The following BCO1 variants were observed in gnomAD, a reference collection of about 807,000 sequenced individuals.
BCO1 encodes beta,beta-carotene 15,15'-dioxygenase.
Under a neutral mutation model 56.3 loss-of-function variants are expected in BCO1, and 54 were observed. The observed-to-expected ratio is 0.96, with a 90% CI of 0.77 to 1.20. The LOEUF is 1.20. Among genes scored for constraint, BCO1 ranks in the 50% most tolerant of loss-of-function variants. The pLI, the probability that BCO1 is intolerant of heterozygous loss-of-function variation, is 0.00. For missense variants in BCO1, 801 were observed against 690.9 expected (o/e 1.16, Z -1.79); for synonymous variants, 318 against 266.1 (o/e 1.20, Z -1.90).
intron 5 of BCO1, among the ~76,000 whole-genome samples, chr16:81,266,053 C>A (rs1414155361): frequency 6.6e-6 from 1 of 152,036 alleles, no homozygotes; most frequent in Non-Finnish European, 1.5e-5. Flanking sequence ...ATCCTTCCAT[C>A]CATTCAGTTT....
intron 4 of BCO1, chr16:81,263,272 C>T (rs976294038): frequency 6.6e-6 from 1 of 152,100 alleles, no homozygotes; most frequent in African/African-American, 2.4e-5. Flanking sequence ...CACCACACTT[C>T]ACTAATTTTT....
intron 7 of BCO1, among the ~76,000 whole-genome samples, chr16:81,277,145 C>T (rs1379132848): frequency 6.6e-6 from 1 of 150,712 alleles, no homozygotes; most frequent in African/African-American, 2.4e-5. Flanking sequence ...CCGTTTGGGA[C>T]AGCCTGTTCC....
At chr16:81,283,597 A>G (rs1198717455) in intron 8 of BCO1, among the ~76,000 whole-genome samples, 1 of 152,008 alleles carries the variant, frequency 6.6e-6, no homozygotes, top group African/African-American at 2.4e-5. Flanking sequence ...TTATCTAAGT[A>G]TGGGAGTGTT....
At chr16:81,245,343 C>T in intron 1 of BCO1, 132 bp from the exon 2 acceptor site, 2 of 1,355,614 alleles carry the variant, frequency 1.5e-6, no homozygotes, top group Non-Finnish European at 2.1e-6. Flanking sequence ...CTGGAAATGA[C>T]TGTAGAATAA....
chr16:81,259,919 C>G (rs1906380542), intron 3 of BCO1, 114 bp downstream of exon 3: 1 of 1,300,418 alleles, frequency 7.7e-7, no homozygotes, highest in Admixed American at 1.7e-5. Context: ...GAAAACTCCA[C>G]ATGACTGCCC....
intron 1 of BCO1, 123 bp from the exon 2 acceptor site, chr16:81,245,352 A>G (rs1905340243): frequency 7.0e-7 from 1 of 1,438,486 alleles, no homozygotes. Context: ...ACTGTAGAAT[A>G]AACGAACAGA....
At chr16:81,285,728 G>A in intron 9 of BCO1, 94 bp downstream of exon 9, 4 of 971,332 alleles carry the variant, frequency 4.1e-6, no homozygotes, top group Admixed American at 1.8e-5. Flanking sequence ...GATTAGAAAA[G>A]AGGAGGTCAG....
At position 81,243,658 on chromosome 16, in the gene BCO1, G is replaced by A. The variant is rs142527902; in HGVS notation, c.65-1817G>A. ...TAATTTTTGTATTTTTGGTGGAGGC[G>A]GGGTTTCACCATGTTGGCCAGGCTT... is the stretch of plus-strand genomic sequence containing the variant. On this transcript the variant is annotated intron_variant, in intron 1 of 10. Coordinates refer to ENST00000258168, the MANE Select transcript of BCO1 (RefSeq NM_017429.3). Among the ~76,000 whole-genome samples the A allele has an allele frequency of 1.3e-4, 20 of 152,150 alleles. No homozygotes were observed. In the East Asian group the frequency reaches 3.5e-3, roughly 26 times the overall value.
At chr16:81,239,236 C>T (rs1269530623) in intron 1 of BCO1, among the ~76,000 whole-genome samples, 3 of 152,040 alleles carry the variant, frequency 2.0e-5, no homozygotes, top group Non-Finnish European at 2.9e-5. Flanking sequence ...AGGCTGGTCT[C>T]GAACTCCTAG....
chr16:81,281,100 A>G (rs1043190840), intron 8 of BCO1, 138 bp downstream of exon 8: 7 of 696,554 alleles, frequency 1.0e-5, no homozygotes, highest in African/African-American at 5.4e-5. Context: ...GCCCTGGTGA[A>G]AAGCATCTGG....
intron 2 of BCO1, among the ~76,000 whole-genome samples, chr16:81,259,219 C>T (rs1906328030): frequency 6.6e-6 from 1 of 152,156 alleles, no homozygotes; most frequent in Non-Finnish European, 1.5e-5. Context: ...CCAGGCCGGG[C>T]ATGGTGGCTC....
chr16:81,269,247 C>A (rs1907034557), intron 6 of BCO1, among the ~76,000 whole-genome samples: 1 of 151,688 alleles, frequency 6.6e-6, no homozygotes, highest in African/African-American at 2.4e-5. Context: ...CACTGCTACC[C>A]ACTGACACTG....
intron 5 of BCO1, among the ~76,000 whole-genome samples, chr16:81,265,536 A>G (rs1277850648): frequency 8.0e-6 from 1 of 125,436 alleles, no homozygotes; most frequent in Non-Finnish European, 1.6e-5. Flanking sequence ...CCATCCATCA[A>G]CCCATTCACT....
At chr16:81,258,107 A>G (rs1416967368) in intron 2 of BCO1, among the ~76,000 whole-genome samples, 3 of 152,170 alleles carry the variant, frequency 2.0e-5, no homozygotes, top group African/African-American at 7.2e-5. Flanking sequence ...ATCAAGGAAC[A>G]GACCTCCCCT....
intron 3 of BCO1, among the ~76,000 whole-genome samples, chr16:81,260,434 AG>A (rs1434652200): frequency 1.3e-5 from 2 of 151,626 alleles, no homozygotes; most frequent in African/African-American, 4.9e-5. Context: ...AAGGATGCAC[AG>A]GGGCAGATGG....
intron 2 of BCO1, 30 bp from the exon 3 acceptor site, chr16:81,259,646 C>T: frequency 6.2e-7 from 1 of 1,614,160 alleles, no homozygotes; most frequent in Non-Finnish European, 8.5e-7. Flanking sequence ...AAGGCGTCAG[C>T]CTGAGATTAT....
rs530728351 is a variant in BCO1 at position 81,246,866 on chromosome 16, A to G, written c.193+1263A>G. ...ACTTTGTCTCAAAAAAAAAAAAAAA[A>G]AAGAAGAGTACAGAGCTGGAAAGAG... On this transcript the variant is annotated intron_variant, in intron 2 of 10. Coordinates refer to ENST00000258168, the MANE Select transcript of BCO1 (RefSeq NM_017429.3). Among the ~76,000 whole-genome samples the G allele has an allele frequency of 2.1e-3, 321 of 151,238 alleles. 11 individuals carry two copies. The highest frequency in any genetic ancestry group is 6.8e-3 in the Middle Eastern group (2 of 294).
intron 8 of BCO1, among the ~76,000 whole-genome samples, chr16:81,283,484 C>G (rs549744646): frequency 2.4e-3 from 366 of 152,152 alleles, no homozygotes; most frequent in African/African-American, 8.5e-3. Flanking sequence ...GTAGTCCCAG[C>G]TACTTGGGAG....
chr16:81,261,941 A>G, intron 3 of BCO1, 195 bp from the exon 4 acceptor site: 2 of 589,684 alleles, frequency 3.4e-6, no homozygotes, highest in East Asian at 3.3e-5. Flanking sequence ...ACGGGGTTTC[A>G]CCGTGTTGGC....
Sources: gnomAD v4.1 joint callset for allele counts (sites outside exome capture counted in the v4.1 genomes callset) on GRCh38, gnomAD v4.1.1 for gene constraint, MANE v1.5 for transcripts, NCBI Gene and HGNC (gene_info 2026-07-23, HGNC 2026-07-21) for gene names.